Variants in ADAMTSL3 observed in about 807,000 individuals in gnomAD.
ADAMTSL3 encodes ADAMTS like 3, also known as ADAMTS-like protein 3.
In ADAMTSL3, 128 loss-of-function variants were observed where a neutral mutation model predicts 201.7. The observed-to-expected ratio is 0.63, with a 90% confidence interval of 0.55 to 0.73. ADAMTSL3 has a LOEUF of 0.73. Among genes scored for constraint, ADAMTSL3 ranks in the 30% least tolerant of loss-of-function variants. The pLI is 0.00. For missense variants in ADAMTSL3, 1,990 were observed against 2,119.6 expected, an observed-to-expected ratio of 0.94 and a Z score of 1.20; for synonymous variants, 738 against 748.4, an observed-to-expected ratio of 0.99 and a Z score of 0.23.
intron 2 of ADAMTSL3, among the ~76,000 whole-genome samples, chr15:83,672,062 G>T (rs544797025): frequency 1.3e-5 from 2 of 152,064 alleles, no homozygotes; most frequent in Middle Eastern, 3.2e-3. Flanking sequence ...ATACTCACTC[G>T]CATTTGATGT....
intron 26 of ADAMTSL3, 94 bp from the exon 27 acceptor site, chr15:84,025,144 A>G (rs1231080110): frequency 9.6e-7 from 1 of 1,044,896 alleles, no homozygotes; most frequent in African/African-American, 1.6e-5. Context: ...TAAGATAGCC[A>G]TGGTGTTGGG....
chr15:83,904,318 A>G (rs2065793819), intron 15 of ADAMTSL3, among the ~76,000 whole-genome samples: 1 of 151,768 alleles, frequency 6.6e-6, no homozygotes, highest in Admixed American at 6.6e-5. Context: ...GACTCTATTC[A>G]TTCCCTCGAT....
At chr15:83,736,760 C>T (rs1225554490) in intron 3 of ADAMTSL3, among the ~76,000 whole-genome samples, 1 of 152,134 alleles carries the variant, frequency 6.6e-6, no homozygotes, top group African/African-American at 2.4e-5. Context: ...CTCCAGGTAG[C>T]CAGAGACCTC....
chr15:83,910,101 A>G (rs2065905397), intron 15 of ADAMTSL3, among the ~76,000 whole-genome samples: 1 of 151,974 alleles, frequency 6.6e-6, no homozygotes, highest in South Asian at 2.1e-4. Context: ...GTTTTTTCCT[A>G]GTTATGAATT....
chr15:84,009,360 T>C (rs1341559232), intron 23 of ADAMTSL3, among the ~76,000 whole-genome samples: 1 of 152,172 alleles, frequency 6.6e-6, no homozygotes, highest in Non-Finnish European at 1.5e-5. Context: ...ATGGTACTAC[T>C]TCTGAAATAA....
intron 25 of ADAMTSL3, among the ~76,000 whole-genome samples, chr15:84,018,679 TGAGGGA>T (rs78430915): frequency 0.097 from 14,688 of 151,998 alleles, 1,034 homozygotes; most frequent in Non-Finnish European, 0.15. Context: ...AGGGTACAGT[TGAGGGA>T]GAGGGAGAGG....
At chr15:84,001,063 A>G (rs751563455) in intron 23 of ADAMTSL3, among the ~76,000 whole-genome samples, 2 of 152,254 alleles carry the variant, frequency 1.3e-5, no homozygotes, top group African/African-American at 2.4e-5. Context: ...AATTGAACGC[A>G]ACTAAATTGC....
At chr15:83,765,925 A>T (rs1229299908) in intron 3 of ADAMTSL3, among the ~76,000 whole-genome samples, 3 of 152,206 alleles carry the variant, frequency 2.0e-5, no homozygotes, top group Non-Finnish European at 4.4e-5. Flanking sequence ...CATGTTTGTC[A>T]TATAACATTA....
intron 15 of ADAMTSL3, among the ~76,000 whole-genome samples, chr15:83,903,666 C>A (rs550351127): frequency 6.6e-6 from 1 of 151,728 alleles, no homozygotes; most frequent in South Asian, 2.1e-4. Context: ...GCCTATAATC[C>A]CAGCACTTTG....
chr15:83,930,063 C>G (rs1286968444), intron 17 of ADAMTSL3, among the ~76,000 whole-genome samples: 1 of 152,084 alleles, frequency 6.6e-6, no homozygotes, highest in East Asian at 1.9e-4. Context: ...TCTCAAAAGT[C>G]AAAAGAAAAT....
chr15:83,662,435 AG>A (rs1395293633), intron 2 of ADAMTSL3, among the ~76,000 whole-genome samples: 15 of 64,848 alleles, frequency 2.3e-4, no homozygotes, highest in East Asian at 1.5e-3. Context: ...GGGTGGGGGG[AG>A]GGGGGGATAG....
intron 4 of ADAMTSL3, among the ~76,000 whole-genome samples, chr15:83,797,196 A>G (rs963698075): frequency 1.3e-5 from 2 of 152,236 alleles, no homozygotes; most frequent in African/African-American, 4.8e-5. Context: ...CCAATAAAAT[A>G]GAAGCAAAAA....
rs1314214144 is a variant in ADAMTSL3, at chr15:83,874,920, G to T, written c.960+3961G>T. Reference sequence around the variant, plus strand: ...ATCTCCGGAAGCCCGGTAGGCGTTTGTCTTTCTTGTGGACCTTCTCAGCGA... The same window carrying T: ...ATCTCCGGAAGCCCGGTAGGCGTTTTTCTTTCTTGTGGACCTTCTCAGCGA... On this transcript the variant is annotated intron_variant, in intron 9 of 29. Coordinates refer to ENST00000286744, the MANE Select transcript of ADAMTSL3 (RefSeq NM_207517.3). 1.4e-5 allele frequency among the ~76,000 whole-genome samples: 2 copies of T among 145,498 alleles called. 1 individual carries two copies. Among genetic ancestry groups the T allele is most frequent in the African/African-American group, 5.3e-5 (2 of 38,050 alleles).
chr15:83,755,506 C>T (rs901529319), intron 3 of ADAMTSL3, among the ~76,000 whole-genome samples: 9 of 152,228 alleles, frequency 5.9e-5, no homozygotes, highest in Admixed American at 2.0e-4. Flanking sequence ...TAAGTGGAAT[C>T]ATACAATATT....
At chr15:83,892,271 C>A (rs544297756) in intron 12 of ADAMTSL3, among the ~76,000 whole-genome samples, 2 of 151,726 alleles carry the variant, frequency 1.3e-5, no homozygotes, top group African/African-American at 4.8e-5. Context: ...GTGGCTCATG[C>A]CTGTAATCCC....
At chr15:83,694,884 G>T (rs2061658801) in intron 2 of ADAMTSL3, among the ~76,000 whole-genome samples, 1 of 152,200 alleles carries the variant, frequency 6.6e-6, no homozygotes, top group African/African-American at 2.4e-5. Context: ...GTTCAGATAT[G>T]TAGAGAAGTC....
At position 84,037,687 on chromosome 15, in the gene ADAMTSL3, T is replaced by G; in HGVS notation, c.4970-13T>G. ...TAAGCTATATGTTACAGATATTTGT[T>G]TCTTTTTTGCAGGAGACTGCACAGA... On this transcript the variant is annotated splice_polypyrimidine_tract_variant and intron_variant, in intron 29 of 29. Coordinates refer to ENST00000286744, the MANE Select transcript of ADAMTSL3 (RefSeq NM_207517.3). The G allele has an allele frequency of 6.3e-7, 1 of 1,584,658 alleles. No homozygotes were observed. The highest frequency in any genetic ancestry group is 2.2e-5 in the East Asian group (1 of 44,750).
chr15:83,884,543 G>A (rs992012898), intron 9 of ADAMTSL3, among the ~76,000 whole-genome samples: 35 of 151,610 alleles, frequency 2.3e-4, no homozygotes, highest in African/African-American at 7.5e-4. Flanking sequence ...CCAAAGTGCC[G>A]AGATTACAGG....
chr15:83,740,493 A>T (rs981031527), intron 3 of ADAMTSL3, among the ~76,000 whole-genome samples: 9 of 152,370 alleles, frequency 5.9e-5, no homozygotes, highest in African/African-American at 2.2e-4. Flanking sequence ...AACTCATTGG[A>T]TTTTGCTAAA....
Sources: allele counts gnomAD v4.1 joint callset (sites outside exome capture counted in the v4.1 genomes callset), GRCh38; gene constraint gnomAD v4.1.1; transcripts MANE v1.5; gene names NCBI Gene and HGNC (gene_info 2026-07-23, HGNC 2026-07-21).